Variants in SHANK1 observed in about 807,000 individuals in gnomAD.
SHANK1 encodes the protein SH3 and multiple ankyrin repeat domains protein 1.
In SHANK1, 35 loss-of-function variants were observed where a neutral mutation model predicts 165.6. That is an observed-to-expected ratio of 0.21 (90% CI 0.16 to 0.28). The LOEUF (loss-of-function observed/expected upper bound fraction) is 0.28. Among genes scored for constraint, SHANK1 ranks in the 10% least tolerant of loss-of-function variants. The probability of loss-of-function intolerance (pLI) is 1.00; values close to 1 mark genes in which losing one functional copy is unlikely to be tolerated. For missense variants in SHANK1, 2,681 were observed against 3,036.4 expected (o/e 0.88, Z 2.75); for synonymous variants, 1,428 against 1,384.8 (o/e 1.03, Z -0.69).
chr19:50,695,939 G>A (rs1425924435), intron 15 of SHANK1, among the ~76,000 whole-genome samples: 2 of 152,202 alleles, frequency 1.3e-5, no homozygotes, highest in African/African-American at 4.8e-5. Flanking sequence ...GCTCCGGCAG[G>A]GAGGCTGGGG....
intron 15 of SHANK1, among the ~76,000 whole-genome samples, chr19:50,693,933 T>G (rs1986630416): frequency 6.6e-6 from 1 of 151,756 alleles, no homozygotes; most frequent in Non-Finnish European, 1.5e-5. Flanking sequence ...AGTAGGGGCC[T>G]GTGGGGGAGG....
intron 15 of SHANK1, among the ~76,000 whole-genome samples, chr19:50,696,129 G>C (rs926282209): frequency 2.6e-5 from 4 of 152,200 alleles, no homozygotes; most frequent in African/African-American, 9.6e-5. Flanking sequence ...AGACAGAGTA[G>C]AAGGAGGAAG....
At position 50,716,173 on chromosome 19, in the gene SHANK1, G is replaced by A. The variant is rs549433602; in HGVS notation, c.459+102C>T. On this transcript the variant is annotated intron_variant, in intron 3 of 23. Transcript: ENST00000293441. This position sits in a 1 kb window ranked among gnomAD's most constrained non-coding sequence, Gnocchi z 8.4. ...GAAGGTCTGGACTCGCACACTGGGT[G>A]CCCCCTCGTTAAGGTTTCGAGTGTG... The A allele has an allele frequency of 2.7e-4, 289 of 1,061,244 alleles. No homozygotes were observed. The highest frequency in any genetic ancestry group is 3.8e-4 in the Non-Finnish European group (263 of 695,690). The allele number at this position is 1,061,244 out of a possible 1,614,324, so 65.7% of individuals were successfully genotyped here.
At chr19:50,709,863 C>A (rs142724337) in intron 8 of SHANK1, among the ~76,000 whole-genome samples, 31 of 152,296 alleles carry the variant, frequency 2.0e-4, no homozygotes, top group African/African-American at 7.2e-4. Context: ...ATTCTCTATA[C>A]CAAAATTTCT....
intron 15 of SHANK1, among the ~76,000 whole-genome samples, chr19:50,693,346 C>T (rs1359527100): frequency 6.6e-6 from 1 of 150,696 alleles, no homozygotes; most frequent in African/African-American, 2.5e-5. Flanking sequence ...CTCAACCCTG[C>T]ACCTCCTACC....
Position 50,668,237 on chromosome 19 carries a change from C to G in SHANK1, c.3723G>C (p.Arg1241=). The change falls in exon 23 of 24, where the codon CGG becomes CGC. Residue 1241 remains arginine (R), a synonymous_variant. Coordinates refer to ENST00000293441, the MANE Select transcript of SHANK1 (RefSeq NM_016148.5). The stretch of plus-strand genomic sequence containing the variant: ...CCTCATTCTGCCAGCCCCCCTCCCT[C>G]CGGGCCGCCCCCACCAGGGCGGCCC... ...QFGAALVGAA[R]REGGWQNEAR... The G allele has an allele frequency of 6.8e-7, 1 of 1,467,282 alleles. No homozygotes were observed. The highest frequency in any genetic ancestry group is 2.8e-5 in the East Asian group (1 of 35,864). 90.9% of individuals were successfully genotyped at this position (1,467,282 alleles called of 1,614,324 possible).
intron 8 of SHANK1, among the ~76,000 whole-genome samples, chr19:50,704,825 T>C (rs904269791): frequency 6.6e-6 from 1 of 150,704 alleles, no homozygotes; most frequent in Non-Finnish European, 1.5e-5. Context: ...CCTAAGACTG[T>C]GGGAGGCCAA....
At chr19:50,711,513 A>G in intron 7 of SHANK1, 26 bp from the exon 8 acceptor site, 1 of 1,518,494 alleles carries the variant, frequency 6.6e-7, no homozygotes, top group Non-Finnish European at 9.0e-7. Flanking sequence ...AGCGAGGGGC[A>G]TGGATCAGAC....
chr19:50,697,194 C>G lies in SHANK1; in HGVS notation c.1938-72G>C. Reference sequence around the variant, plus strand: ...TGCACCCATCTCCTCACCCCAATCCCACCCAGCCCTGACTGCACCCTCCCC... The same window carrying G: ...TGCACCCATCTCCTCACCCCAATCCGACCCAGCCCTGACTGCACCCTCCCC... On this transcript the variant is annotated intron_variant, in intron 14 of 23. Transcript: ENST00000293441. The surrounding 1 kb of genome is among the most constrained non-coding windows in gnomAD (Gnocchi z 4.7). The G allele has an allele frequency of 6.2e-7, 1 of 1,612,654 alleles. No individual in the cohort carries two copies. The highest frequency in any genetic ancestry group is 8.5e-7 in the Non-Finnish European group (1 of 1,178,912).
In SHANK1 at chr19:50,700,838, C is replaced by T. The variant is rs572632419; in HGVS notation, c.1747+1629G>A. ...CTCCCCCAACCCCACGTGCCTACAT[C>T]CCAGGCAGCTGGCCCTGAAGGAGCT... is the stretch of plus-strand genomic sequence containing the variant. On this transcript the variant is annotated intron_variant, in intron 12 of 23. Transcript: ENST00000293441. Among the ~76,000 whole-genome samples the T allele has an allele frequency of 9.9e-5, 15 of 152,248 alleles. No homozygotes were observed. The East Asian group carries it at 2.9e-3, about 29-fold the overall frequency.
chr19:50,669,321 G>A (rs367760271), intron 22 of SHANK1, 36 bp from the exon 23 acceptor site: 12 of 1,424,586 alleles, frequency 8.4e-6, no homozygotes, highest in Non-Finnish European at 1.2e-5. Flanking sequence ...GGGGGACCCT[G>A]GCGGGGAGGG....
At chr19:50,672,208 C>T (rs981256325) in intron 21 of SHANK1, 94 bp from the exon 22 acceptor site, 3 of 998,276 alleles carry the variant, frequency 3.0e-6, no homozygotes, top group Non-Finnish European at 3.0e-6. Context: ...CGGCTGCCCC[C>T]ATTCCTTCCC....
chr19:50,713,010 G>A lies in SHANK1; in HGVS notation c.792+788C>T, dbSNP rs192892191. The stretch of plus-strand genomic sequence containing the variant: ...AGTGTGCATGGGAGATACATGAAGA[G>A]GATCTGTTAACTCCAGGGGTATACT... On this transcript the variant is annotated intron_variant, in intron 6 of 23. Transcript: ENST00000293441. The surrounding 1 kb of genome is among the most constrained non-coding windows in gnomAD (Gnocchi z 6.2). 1.3e-5 allele frequency among the ~76,000 whole-genome samples: 2 copies of A among 152,154 alleles called. No individual in the cohort carries two copies. The highest frequency in any genetic ancestry group is 1.3e-4 in the Admixed American group (2 of 15,272).
intron 15 of SHANK1, among the ~76,000 whole-genome samples, chr19:50,691,585 G>C (rs1022365188): frequency 6.6e-6 from 1 of 152,234 alleles, no homozygotes; most frequent in Non-Finnish European, 1.5e-5. Context: ...TGGCTGGGCA[G>C]TATCTGAAGC....
intron 4 of SHANK1, among the ~76,000 whole-genome samples, chr19:50,715,070 T>C (rs908302007): frequency 1.3e-5 from 2 of 151,912 alleles, no homozygotes; most frequent in African/African-American, 4.8e-5. Context: ...TTTTTCCTTC[T>C]CAAGGATCAA....
chr19:50,686,681 G>A lies in SHANK1; in HGVS notation c.2458+63C>T, dbSNP rs1986348665. ...GCGCCGTGGGGTTCATGGTGGGACA[G>A]GGATGCAGCGGGTGCCGGGGCTGGG... On this transcript the variant is annotated intron_variant, in intron 20 of 23. Transcript: ENST00000293441. This position sits in a 1 kb window ranked among gnomAD's most constrained non-coding sequence, Gnocchi z 5.7. The A allele has an allele frequency of 6.7e-7, 1 of 1,488,142 alleles. No individual in the cohort carries two copies. The highest frequency in any genetic ancestry group is 9.3e-7 in the Non-Finnish European group (1 of 1,070,454). 92.2% of individuals were successfully genotyped at this position (1,488,142 alleles called of 1,614,324 possible).
chr19:50,686,587 C>T lies in SHANK1; in HGVS notation c.2458+157G>A, dbSNP rs1045460259. On this transcript the variant is annotated intron_variant, in intron 20 of 23. Transcript: ENST00000293441. The surrounding 1 kb of genome is among the most constrained non-coding windows in gnomAD (Gnocchi z 5.7). ...GGGGTGCGGGCAGGGAACGGGGCAGCCGTCGGGAGAGGGCGGGCGGAGGGA... is the reference window on the plus strand; with the variant it reads ...GGGGTGCGGGCAGGGAACGGGGCAGTCGTCGGGAGAGGGCGGGCGGAGGGA... Among the ~76,000 whole-genome samples, 3 of 151,960 alleles carry T rather than the reference C, an allele frequency of 2.0e-5. No homozygotes were observed. Among genetic ancestry groups the T allele is most frequent in the Non-Finnish European group, 4.4e-5 (3 of 67,982 alleles).
chr19:50,675,993 C>A (rs558711552), intron 21 of SHANK1, among the ~76,000 whole-genome samples: 1 of 151,984 alleles, frequency 6.6e-6, no homozygotes, highest in East Asian at 1.9e-4. Flanking sequence ...AAGACTTCAT[C>A]TAAAATAAAA....
chr19:50,706,808 G>A (rs1028155178), intron 8 of SHANK1, among the ~76,000 whole-genome samples: 8 of 151,010 alleles, frequency 5.3e-5, no homozygotes, highest in Admixed American at 2.0e-4. Flanking sequence ...ATGGAGTTTC[G>A]CTCTTGTCAC....
Sources: gnomAD v4.1 joint callset for allele counts (sites outside exome capture counted in the v4.1 genomes callset) on GRCh38, gnomAD v4.1.1 for gene constraint, Gnocchi (gnomAD v3.1) non-coding constraint, MANE v1.5 for transcripts, NCBI Gene and HGNC (gene_info 2026-07-23, HGNC 2026-07-21) for gene names.